The following SNTB1 variants were observed in gnomAD, a reference collection of about 807,000 sequenced individuals.
SNTB1 encodes beta-1-syntrophin.
SNTB1 carries 36 observed loss-of-function variants against 48.9 expected under a neutral mutation model. That is an observed-to-expected ratio of 0.74 (90% CI 0.56 to 0.97). SNTB1 has a LOEUF of 0.97. Among genes scored for constraint, SNTB1 ranks in the 50% least tolerant of loss-of-function variants. The probability of loss-of-function intolerance (pLI) is 0.00; values close to 1 mark genes in which losing one functional copy is unlikely to be tolerated. For synonymous variants in SNTB1, 299 were observed against 294.6 expected (o/e 1.01, Z -0.15); for missense variants, 786 against 703.4 (o/e 1.12, Z -1.33).
intron 3 of SNTB1, among the ~76,000 whole-genome samples, chr8:120,610,913 G>A (rs749274761): frequency 1.3e-5 from 2 of 152,144 alleles, no homozygotes; most frequent in Non-Finnish European, 2.9e-5. Flanking sequence ...TGGGGAGCCC[G>A]CTCCTGCCCT....
intron 3 of SNTB1, among the ~76,000 whole-genome samples, chr8:120,576,257 A>G (rs1467608565): frequency 1.3e-5 from 2 of 152,248 alleles, no homozygotes; most frequent in Non-Finnish European, 1.5e-5. Flanking sequence ...ACTGACAACT[A>G]TCAAAGATTT....
intron 1 of SNTB1, among the ~76,000 whole-genome samples, chr8:120,790,964 A>T (rs1034582835): frequency 6.6e-6 from 1 of 151,894 alleles, no homozygotes; most frequent in African/African-American, 2.4e-5. Context: ...ACAAATCTGG[A>T]GGCAACATAT....
At position 120,811,394 on chromosome 8, in the gene SNTB1, C is replaced by G. The variant is rs1245083602; in HGVS notation, c.450G>C (p.Gln150His). The change falls in exon 1 of 7, where the codon CAG becomes CAC. Residue 150 changes from glutamine to histidine, a missense_variant. Physicochemically the swap from Gln to His is conservative, Grantham distance 24. Transcript: ENST00000517992. ...SKIFKGLAAD[Q>H]TQALYVGDAI... is the part of the protein sequence containing the mutation. Reference sequence around the variant, plus strand: ...CGTCGCCCACGTACAGGGCTTGGGTCTGGTCCGCCGCCAGCCCCTTGAAGA... The same window carrying G: ...CGTCGCCCACGTACAGGGCTTGGGTGTGGTCCGCCGCCAGCCCCTTGAAGA... The G allele has an allele frequency of 6.2e-7, 1 of 1,614,048 alleles. No homozygotes were observed. The highest frequency in any genetic ancestry group is 1.1e-5 in the South Asian group (1 of 91,086).
At chr8:120,602,308 C>T (rs1312962000) in intron 3 of SNTB1, among the ~76,000 whole-genome samples, 1 of 152,202 alleles carries the variant, frequency 6.6e-6, no homozygotes, top group Non-Finnish European at 1.5e-5. Flanking sequence ...GTCAACCTAG[C>T]TAGGCTATGG....
At chr8:120,641,776 C>T (rs1817200597) in intron 2 of SNTB1, among the ~76,000 whole-genome samples, 2 of 152,234 alleles carry the variant, frequency 1.3e-5, no homozygotes, top group Non-Finnish European at 2.9e-5. Flanking sequence ...CCAGAAATTC[C>T]TTTTGTATAC....
chr8:120,795,539 T>G (rs140571237), intron 1 of SNTB1, among the ~76,000 whole-genome samples: 2 of 152,190 alleles, frequency 1.3e-5, no homozygotes, highest in Non-Finnish European at 2.9e-5. Flanking sequence ...TCTAGAATGC[T>G]AGAATTTAGT....
chr8:120,613,638 G>C (rs1179633287), intron 3 of SNTB1, among the ~76,000 whole-genome samples: 1 of 152,110 alleles, frequency 6.6e-6, no homozygotes, highest in African/African-American at 2.4e-5. Flanking sequence ...TAAATATAAG[G>C]TTTACTGACA....
intron 2 of SNTB1, among the ~76,000 whole-genome samples, chr8:120,690,940 C>T (rs961982698): frequency 6.6e-6 from 1 of 152,214 alleles, no homozygotes; most frequent in Admixed American, 6.5e-5. Flanking sequence ...TAGCTGGATT[C>T]TCATGTTTGA....
chr8:120,583,514 AACACACACACACACACACACACAC>A (rs10524445), intron 3 of SNTB1, among the ~76,000 whole-genome samples: 1 of 143,072 alleles, frequency 7.0e-6, no homozygotes, highest in African/African-American at 2.7e-5. Flanking sequence ...TCCGTCTCAA[AACACACACACACACACACACACAC>A]ACACACACAC....
intron 1 of SNTB1, among the ~76,000 whole-genome samples, chr8:120,695,101 C>G (rs187949647): frequency 5.9e-5 from 9 of 152,110 alleles, no homozygotes; most frequent in African/African-American, 2.2e-4. Flanking sequence ...CTTGCATATT[C>G]TTCTCTCTAT....
intron 1 of SNTB1, among the ~76,000 whole-genome samples, chr8:120,790,703 C>T (rs1353293174): frequency 6.6e-6 from 1 of 151,608 alleles, no homozygotes; most frequent in South Asian, 2.1e-4. Flanking sequence ...AGATGTCTAC[C>T]AGGAGAACTA....
intron 2 of SNTB1, among the ~76,000 whole-genome samples, chr8:120,671,109 CT>C (rs1817750610): frequency 6.6e-6 from 1 of 152,124 alleles, no homozygotes; most frequent in South Asian, 2.1e-4. Context: ...TTCCAGGCCC[CT>C]TTTTTTGGAG....
rs998514232 is a variant in SNTB1 at position 120,693,621 on chromosome 8, G to A, written c.788+71C>T. The A allele has an allele frequency of 2.3e-5, 31 of 1,326,618 alleles. No homozygotes were observed. In the African/African-American group the frequency reaches 4.1e-4, roughly 17 times the overall value. 82.2% of individuals were successfully genotyped at this position (1,326,618 alleles called of 1,614,324 possible). A position where few individuals can be genotyped will look rare whatever the true frequency, so the allele number is the denominator to read the frequency against. On this transcript the variant is annotated intron_variant, in intron 2 of 6. Coordinates refer to ENST00000517992, the MANE Select transcript of SNTB1 (RefSeq NM_021021.4). ...GTTTTCAGAACATGAGGGCAATCTC[G>A]TGAAAGCCCCCATTTAGCCTGAGAG...
At chr8:120,617,336 A>G (rs926428719) in intron 3 of SNTB1, among the ~76,000 whole-genome samples, 1 of 152,142 alleles carries the variant, frequency 6.6e-6, no homozygotes, top group African/African-American at 2.4e-5. Flanking sequence ...GAGTTGGGAC[A>G]CCAAGGAAGA....
chr8:120,763,048 G>C (rs1426686059), intron 1 of SNTB1, among the ~76,000 whole-genome samples: 1 of 152,118 alleles, frequency 6.6e-6, no homozygotes, highest in Non-Finnish European at 1.5e-5. Flanking sequence ...TAGCCTTTCT[G>C]ACTCACAAGC....
chr8:120,642,971 G>C (rs1000223897), intron 2 of SNTB1, among the ~76,000 whole-genome samples: 6 of 152,186 alleles, frequency 3.9e-5, no homozygotes, highest in Admixed American at 6.5e-5. Context: ...AGTATCTGTA[G>C]GTCATGAATT....
chr8:120,624,569 CT>C (rs1361915639), intron 3 of SNTB1, among the ~76,000 whole-genome samples: 2 of 152,282 alleles, frequency 1.3e-5, no homozygotes, highest in East Asian at 3.9e-4. Context: ...AACACATGAA[CT>C]TTGGGGACAT....
intron 2 of SNTB1, among the ~76,000 whole-genome samples, chr8:120,674,029 T>C (rs1036061102): frequency 1.3e-5 from 2 of 152,184 alleles, no homozygotes; most frequent in Admixed American, 6.5e-5. Flanking sequence ...CAGAGCCTCA[T>C]GGGTTTGGCA....
chr8:120,618,197 A>C (rs942272484), intron 3 of SNTB1, among the ~76,000 whole-genome samples: 4 of 152,156 alleles, frequency 2.6e-5, no homozygotes, highest in African/African-American at 9.7e-5. Context: ...CTGATTTAAT[A>C]TGGAAATAAA....
Sources: gnomAD v4.1 joint callset for allele counts (sites outside exome capture counted in the v4.1 genomes callset) on GRCh38, gnomAD v4.1.1 for gene constraint, MANE v1.5 for transcripts, NCBI Gene and HGNC (gene_info 2026-07-23, HGNC 2026-07-21) for gene names.